The following MBOAT1 variants were observed in gnomAD, a reference collection of about 807,000 sequenced individuals.
MBOAT1 encodes the protein membrane-bound glycerophospholipid O-acyltransferase 1.
In MBOAT1, 67 loss-of-function variants were observed where a neutral mutation model predicts 64.4. That is an observed-to-expected ratio of 1.04 (90% CI 0.85 to 1.27). The LOEUF is 1.27. Among genes scored for constraint, MBOAT1 ranks in the 50% most tolerant of loss-of-function variants. The pLI is 0.00. For synonymous variants in MBOAT1, 229 were observed against 218.9 expected (o/e 1.05, Z -0.41); for missense variants, 563 against 604.6 (o/e 0.93, Z 0.72).
chr6:20,107,686 C>G (rs557044068), intron 12 of MBOAT1, among the ~76,000 whole-genome samples: 1 of 151,642 alleles, frequency 6.6e-6, no homozygotes, highest in Admixed American at 6.6e-5. Flanking sequence ...ACAGGTATTA[C>G]GTGATACTGA....
intron 3 of MBOAT1, among the ~76,000 whole-genome samples, chr6:20,147,000 G>A (rs948633654): frequency 1.3e-5 from 2 of 152,246 alleles, no homozygotes; most frequent in Middle Eastern, 3.4e-3. Flanking sequence ...TCATGGGGGC[G>A]AGTCTTTCCT....
intron 1 of MBOAT1, among the ~76,000 whole-genome samples, chr6:20,173,211 C>A (rs1357892019): frequency 6.6e-6 from 1 of 152,192 alleles, no homozygotes; most frequent in Non-Finnish European, 1.5e-5. Context: ...AAATTACCCA[C>A]TCTCAGGTAT....
At chr6:20,132,652 G>A (rs1402820846) in intron 4 of MBOAT1, among the ~76,000 whole-genome samples, 1 of 152,196 alleles carries the variant, frequency 6.6e-6, no homozygotes, top group Non-Finnish European at 1.5e-5. Flanking sequence ...ATAAATCTTT[G>A]TGACTTCAGG....
rs1759781288 is a variant in MBOAT1 at position 20,101,317 on chromosome 6, A to C, written c.*969T>G. ...ATGTACAGGAGACTTTCTGATTTCC[A>C]ATCTTGGCTCAGGTCAGAAGAAAAA... is the stretch of plus-strand genomic sequence containing the variant. On this transcript the variant is annotated 3_prime_UTR_variant, in exon 13 of 13. Transcript: ENST00000324607. Among the ~76,000 whole-genome samples, 1 of 152,222 alleles carries C rather than the reference A, an allele frequency of 6.6e-6. No homozygotes were observed. The highest frequency in any genetic ancestry group is 2.4e-5 in the African/African-American group (1 of 41,452).
chr6:20,211,066 A>G (rs1223498252), intron 1 of MBOAT1, among the ~76,000 whole-genome samples: 2 of 152,148 alleles, frequency 1.3e-5, no homozygotes, highest in African/African-American at 4.8e-5. Flanking sequence ...TGAGAACGCA[A>G]TGGTCACATC....
At chr6:20,148,251 T>C (rs35041060) in intron 3 of MBOAT1, among the ~76,000 whole-genome samples, 30,322 of 152,098 alleles carry the variant, frequency 0.2, 3,649 homozygotes, top group East Asian at 0.37. Context: ...ACCCTGTCTC[T>C]ACTAAAATTA....
intron 7 of MBOAT1, 65 bp downstream of exon 7, chr6:20,126,452 G>T: frequency 7.3e-7 from 1 of 1,362,938 alleles, no homozygotes; most frequent in South Asian, 1.4e-5. Context: ...TTCTTAATTA[G>T]AACCATTATT....
chr6:20,163,916 A>G (rs1029651661), intron 1 of MBOAT1, among the ~76,000 whole-genome samples: 1 of 152,134 alleles, frequency 6.6e-6, no homozygotes. Context: ...ATCCCACTGA[A>G]TAAGGAGGTG....
At chr6:20,192,846 C>T (rs1242720514) in intron 1 of MBOAT1, among the ~76,000 whole-genome samples, 1 of 152,066 alleles carries the variant, frequency 6.6e-6, no homozygotes, top group Non-Finnish European at 1.5e-5. Flanking sequence ...GCCTAGATCC[C>T]AGCTCTTCCT....
chr6:20,192,995 CTTTTTTTT>C (rs1174816793), intron 1 of MBOAT1, among the ~76,000 whole-genome samples: 68 of 55,026 alleles, frequency 1.2e-3, no homozygotes, highest in African/African-American at 2.7e-3. Context: ...GCTATAATTT[CTTTTTTTT>C]TTTTTTTTTT....
Position 20,126,628 on chromosome 6 carries a change from G to T in MBOAT1, c.603C>A (p.Asn201Lys), listed in dbSNP as rs928507440. ...NFMSVIAGPC[N>K]NFKDYIAFIE... ...TGAAGGCTATGTAGTCCTTGAAATT[G>T]TTACAAGGACCAGCTATGACACTCA... is the stretch of plus-strand genomic sequence containing the variant. The change falls in exon 7 of 13, where the codon AAC becomes AAA. Residue 201 changes from asparagine to lysine, a missense_variant. Transcript: ENST00000324607. 6 of 1,613,168 alleles carry T rather than the reference G, an allele frequency of 3.7e-6. No individual in the cohort carries two copies. In the African/African-American group the frequency reaches 8.0e-5, roughly 22 times the overall value.
chr6:20,132,105 A>G (rs1291040217), intron 4 of MBOAT1, among the ~76,000 whole-genome samples: 1 of 152,140 alleles, frequency 6.6e-6, no homozygotes, highest in Non-Finnish European at 1.5e-5. Context: ...CTGGTCTCGA[A>G]CATGAGCTCA....
At chr6:20,109,771 A>G (rs1247946697) in intron 11 of MBOAT1, 22 bp from the exon 12 acceptor site, 17 of 1,603,140 alleles carry the variant, frequency 1.1e-5, no homozygotes, top group Non-Finnish European at 1.5e-5. Flanking sequence ...CACAGGCAAC[A>G]GTAGTGAGGA....
In MBOAT1 at chr6:20,101,418, C is replaced by T. The variant is rs1482327388; in HGVS notation, c.*868G>A. Among the ~76,000 whole-genome samples, 2 of 152,146 alleles carry T rather than the reference C, an allele frequency of 1.3e-5. No individual in the cohort carries two copies. Among genetic ancestry groups the T allele is most frequent in the Non-Finnish European group, 2.9e-5 (2 of 68,044 alleles). On this transcript the variant is annotated 3_prime_UTR_variant, in exon 13 of 13. Coordinates refer to ENST00000324607, the MANE Select transcript of MBOAT1 (RefSeq NM_001080480.3). ...CCTGACTTTCAGTCCATGCACTAGT[C>T]CTCTTGGCTCGTAGAGTTTTCAGTG...
chr6:20,120,667 TA>T (rs5874750), intron 8 of MBOAT1, among the ~76,000 whole-genome samples: 128,664 of 151,686 alleles, frequency 0.85, 54,701 homozygotes, highest in East Asian at 0.97. Context: ...AAACTCCATC[TA>T]AAAAAAAATT....
At chr6:20,111,883 T>TATACATATATATAC (rs1581396186) in intron 11 of MBOAT1, among the ~76,000 whole-genome samples, 27 of 140,188 alleles carry the variant, frequency 1.9e-4, no homozygotes, top group East Asian at 8.0e-4. Context: ...TATATATGTA[T>TATACATATATATAC]ATATATATAT....
rs763095613 is a variant in MBOAT1 at position 20,152,684 on chromosome 6, T to C, written c.185A>G (p.Asp62Gly). The change falls in exon 2 of 13, where the codon GAT becomes GGT. Residue 62 changes from aspartate to glycine, a missense_variant. Coordinates refer to ENST00000324607, the MANE Select transcript of MBOAT1 (RefSeq NM_001080480.3). ...AATGGTGGCAACCGCATGCCGGACA[T>C]CAGAGCTGGTTGTACCAGGACGTAA... Reference protein sequence around the residue: ...IYLRPGTTSSDVRHAVATIFG... With the variant: ...IYLRPGTTSSGVRHAVATIFG... 1.2e-6 allele frequency: 2 copies of C among 1,612,008 alleles called. No individual in the cohort carries two copies. Among genetic ancestry groups the C allele is most frequent in the South Asian group, 2.2e-5 (2 of 90,894 alleles).
At chr6:20,119,877 C>G (rs993127286) in intron 8 of MBOAT1, among the ~76,000 whole-genome samples, 1 of 152,124 alleles carries the variant, frequency 6.6e-6, no homozygotes, top group African/African-American at 2.4e-5. Context: ...CCAGGCTGAC[C>G]GTCACTGGGA....
chr6:20,175,394 G>C (rs1762311526), intron 1 of MBOAT1, among the ~76,000 whole-genome samples: 1 of 151,574 alleles, frequency 6.6e-6, no homozygotes, highest in African/African-American at 2.4e-5. Context: ...GACTAGCTAG[G>C]ACTAGAGGCA....
Sources: allele counts gnomAD v4.1 joint callset (sites outside exome capture counted in the v4.1 genomes callset), GRCh38; gene constraint gnomAD v4.1.1; transcripts MANE v1.5; gene names NCBI Gene and HGNC (gene_info 2026-07-23, HGNC 2026-07-21).